RBFOX1: variants seen among roughly 807,000 people sequenced by gnomAD.
RBFOX1 encodes RNA binding fox-1 homolog 1, also known as RNA binding protein fox-1 homolog 1.
In RBFOX1, 8 loss-of-function variants were observed where a neutral mutation model predicts 57.7. The ratio of observed to expected loss-of-function variants is 0.14; its 90% CI spans 0.08 to 0.25. RBFOX1 has a LOEUF of 0.25. RBFOX1 is among the 10% of genes least tolerant of loss of function. The probability of loss-of-function intolerance (pLI) is 1.00; values close to 1 mark genes in which losing one functional copy is unlikely to be tolerated. For synonymous variants in RBFOX1, 326 were observed against 222.4 expected (o/e 1.47, Z -4.15); for missense variants, 611 against 548.5 (o/e 1.11, Z -1.14).
intron 1 of RBFOX1, among the ~76,000 whole-genome samples, chr16:5,244,466 C>T (rs2062245490): frequency 1.3e-5 from 2 of 152,212 alleles, no homozygotes; most frequent in African/African-American, 4.8e-5. Context: ...ACCCAGTTCA[C>T]TCCCATACTG....
chr16:7,414,898 G>A (rs539501945), intron 4 of RBFOX1, among the ~76,000 whole-genome samples: 1 of 152,306 alleles, frequency 6.6e-6, no homozygotes, highest in African/African-American at 2.4e-5. Context: ...GATTACAGGT[G>A]GTGAGCCACG....
intron 1 of RBFOX1, among the ~76,000 whole-genome samples, chr16:6,093,334 A>C (rs972516158): frequency 6.6e-6 from 1 of 151,974 alleles, no homozygotes; most frequent in African/African-American, 2.4e-5. Flanking sequence ...ATCTACTTGG[A>C]AGGTTGAGGT....
Position 7,197,421 on chromosome 16 carries a change from G to C in RBFOX1, c.27+145323G>C, listed in dbSNP as rs1315562174. Among the ~76,000 whole-genome samples the C allele has an allele frequency of 3.8e-5, 5 of 133,226 alleles. No individual in the cohort carries two copies. The South Asian group carries it at 9.8e-4, about 26-fold the overall frequency. The allele number at this position is 133,226 out of a possible 152,430, so 87.4% of individuals were successfully genotyped here. On this transcript the variant is annotated intron_variant, in intron 4 of 15. Transcript: ENST00000550418. Reference sequence around the variant, plus strand: ...GTTAAAAGGTAGTCATGGGGAGAGAGCCTAAAAACCTGTGAGTGGAAAAAA... The same window carrying C: ...GTTAAAAGGTAGTCATGGGGAGAGACCCTAAAAACCTGTGAGTGGAAAAAA...
chr16:5,586,862 C>G (rs2046847256), intron 2 of RBFOX1, among the ~76,000 whole-genome samples: 1 of 152,128 alleles, frequency 6.6e-6, no homozygotes, highest in Non-Finnish European at 1.5e-5. Flanking sequence ...GAGGTTTGGA[C>G]CAGGACAGTA....
chr16:5,265,812 T>G (rs547825635), intron 1 of RBFOX1, among the ~76,000 whole-genome samples: 1 of 152,302 alleles, frequency 6.6e-6, no homozygotes, highest in South Asian at 2.1e-4. Context: ...TGTGCTTTTA[T>G]GGTGGAGTTT....
chr16:5,684,656 G>T (rs1265314297), intron 3 of RBFOX1, among the ~76,000 whole-genome samples: 1 of 152,182 alleles, frequency 6.6e-6, no homozygotes. Context: ...AGTTTGGAAT[G>T]ATTCAGCCTT....
At chr16:5,669,422 C>CTTTTTTTT (rs34318850) in intron 3 of RBFOX1, among the ~76,000 whole-genome samples, 2 of 118,534 alleles carry the variant, frequency 1.7e-5, no homozygotes, top group African/African-American at 3.2e-5. Flanking sequence ...AACAAGTTGG[C>CTTTTTTTT]TTTTTTTTTT....
At position 6,845,704 on chromosome 16, in the gene RBFOX1, T is replaced by C. The variant is rs9935399; in HGVS notation, c.-16+191054T>C. ...GATCTCACCAGAACGTTCCAGGCCT[T>C]GCTTCTCTGACACAGACCCATGTAC... On this transcript the variant is annotated intron_variant, in intron 3 of 15. Coordinates refer to ENST00000550418, the MANE Select transcript of RBFOX1 (RefSeq NM_018723.4). Among the ~76,000 whole-genome samples, 447 of 152,310 alleles carry C rather than the reference T, an allele frequency of 2.9e-3. 2 individuals carry two copies. Among genetic ancestry groups the C allele is most frequent in the African/African-American group, 9.8e-3 (409 of 41,574 alleles).
chr16:7,512,613 C>T (rs919351696), intron 4 of RBFOX1, among the ~76,000 whole-genome samples: 3 of 152,304 alleles, frequency 2.0e-5, no homozygotes, highest in Admixed American at 2.0e-4. Flanking sequence ...CTGCAGGCTC[C>T]TTGGCTACCA....
At chr16:6,728,120 A>G (rs1051239780) in intron 3 of RBFOX1, among the ~76,000 whole-genome samples, 2 of 152,208 alleles carry the variant, frequency 1.3e-5, no homozygotes, top group Non-Finnish European at 2.9e-5. Context: ...TTAATATTTT[A>G]TCATTAGTTT....
intron 1 of RBFOX1, among the ~76,000 whole-genome samples, chr16:5,250,970 C>A (rs776428475): frequency 1.3e-4 from 20 of 152,210 alleles, no homozygotes; most frequent in Non-Finnish European, 2.4e-4. Flanking sequence ...CCGGCTCCCC[C>A]AGGGCTCACA....
intron 3 of RBFOX1, among the ~76,000 whole-genome samples, chr16:6,846,442 G>C (rs2093758348): frequency 6.6e-6 from 1 of 152,288 alleles, no homozygotes; most frequent in South Asian, 2.1e-4. Flanking sequence ...AGACTGCACT[G>C]TGTTCTATAA....
intron 3 of RBFOX1, among the ~76,000 whole-genome samples, chr16:5,864,895 C>T (rs1255937628): frequency 6.6e-6 from 1 of 152,206 alleles, no homozygotes; most frequent in Non-Finnish European, 1.5e-5. Context: ...GTTGAATATT[C>T]AAACCCTGTA....
At chr16:7,663,981 T>A (rs1052442522) in intron 12 of RBFOX1, among the ~76,000 whole-genome samples, 2 of 152,144 alleles carry the variant, frequency 1.3e-5, no homozygotes, top group Admixed American at 6.5e-5. Context: ...CCCTCTGAAG[T>A]CTCTTCTTTC....
At chr16:7,563,752 G>C (rs1411770603) in intron 5 of RBFOX1, among the ~76,000 whole-genome samples, 2 of 152,142 alleles carry the variant, frequency 1.3e-5, no homozygotes, top group Non-Finnish European at 2.9e-5. Flanking sequence ...ACAGGGCTGA[G>C]CCACCGCACC....
chr16:6,439,288 A>G (rs1227429390), intron 2 of RBFOX1, among the ~76,000 whole-genome samples: 1 of 152,206 alleles, frequency 6.6e-6, no homozygotes, highest in Non-Finnish European at 1.5e-5. Context: ...TCAGGAAGGT[A>G]TAATCAAACA....
intron 10 of RBFOX1, among the ~76,000 whole-genome samples, chr16:7,624,038 C>T (rs888186157): frequency 1.3e-5 from 2 of 152,112 alleles, no homozygotes; most frequent in African/African-American, 2.4e-5. Context: ...AGTGTAGGAA[C>T]CCAAATAGCT....
upstream of RBFOX1, among the ~76,000 whole-genome samples, chr16:6,016,259 A>AT (rs1383537227): frequency 6.6e-6 from 1 of 152,118 alleles, no homozygotes; most frequent in Non-Finnish European, 1.5e-5. Context: ...ATCTGTGCCT[A>AT]TGGGGGGCTG....
At chr16:7,327,581 T>C (rs1165865100) in intron 4 of RBFOX1, among the ~76,000 whole-genome samples, 3 of 152,236 alleles carry the variant, frequency 2.0e-5, no homozygotes, top group Non-Finnish European at 4.4e-5. Flanking sequence ...TTGTTCTGTT[T>C]TGATAGTCAA....
Sources: gnomAD v4.1 joint callset for allele counts (sites outside exome capture counted in the v4.1 genomes callset) on GRCh38, gnomAD v4.1.1 for gene constraint, MANE v1.5 for transcripts, NCBI Gene and HGNC (gene_info 2026-07-23, HGNC 2026-07-21) for gene names.